The following PRR16 variants were observed in gnomAD, a reference collection of about 807,000 sequenced individuals.
PRR16 encodes proline rich 16.
Under a neutral mutation model 18.2 loss-of-function variants are expected in PRR16, and 6 were observed. That is an observed-to-expected ratio of 0.33 (90% CI 0.18 to 0.65). The LOEUF is 0.65. Ranked by LOEUF, PRR16 falls within the 30% of genes least tolerant of loss-of-function variation. The pLI, the probability that PRR16 is intolerant of heterozygous loss-of-function variation, is 0.74. For synonymous variants in PRR16, 151 were observed against 147.8 expected (o/e 1.02, Z -0.16); for missense variants, 412 against 376.6 (o/e 1.09, Z -0.78).
At chr5:120,546,564 A>C (rs963155474) in intron 1 of PRR16, among the ~76,000 whole-genome samples, 17 of 152,126 alleles carry the variant, frequency 1.1e-4, no homozygotes, top group African/African-American at 3.9e-4. Flanking sequence ...CCTGCATGTC[A>C]GTGTTTAACT....
At chr5:120,606,532 A>G (rs1256994675) in intron 1 of PRR16, among the ~76,000 whole-genome samples, 1 of 152,138 alleles carries the variant, frequency 6.6e-6, no homozygotes, top group Non-Finnish European at 1.5e-5. Flanking sequence ...ATATTAAAAT[A>G]AATACATAAT....
the PRR16 span, among the ~76,000 whole-genome samples, chr5:120,752,487 T>C: frequency 6.6e-6 from 1 of 151,912 alleles, no homozygotes; most frequent in South Asian, 2.1e-4. Context: ...TCTTGCTGTT[T>C]ATCTATGCAC....
At chr5:120,647,166 T>C (rs1243779295) in intron 1 of PRR16, among the ~76,000 whole-genome samples, 1 of 151,924 alleles carries the variant, frequency 6.6e-6, no homozygotes, top group East Asian at 1.9e-4. Context: ...AGAATAACGT[T>C]ATGGCGGGAG....
chr5:120,780,071 T>TC, the PRR16 span, among the ~76,000 whole-genome samples: 2 of 152,198 alleles, frequency 1.3e-5, no homozygotes, highest in African/African-American at 4.8e-5. Flanking sequence ...TTAATGTCTA[T>TC]CCTTTTTGTT....
chr5:120,635,142 A>G (rs947559734), intron 1 of PRR16, among the ~76,000 whole-genome samples: 1 of 152,146 alleles, frequency 6.6e-6, no homozygotes, highest in Non-Finnish European at 1.5e-5. Flanking sequence ...CCAACAAATA[A>G]AAGTCCAGGA....
Position 120,464,588 on chromosome 5 carries a change from G to A in PRR16, c.102G>A (p.Val34=), listed in dbSNP as rs369419278. The A allele has an allele frequency of 5.2e-5, 83 of 1,583,644 alleles. No individual in the cohort carries two copies. The highest frequency in any genetic ancestry group is 5.5e-5 in the Non-Finnish European group (65 of 1,173,052). Residue 34 remains valine (V), a synonymous_variant, in exon 1 of 2, where the codon GTG becomes GTA. Coordinates refer to ENST00000407149, the MANE Select transcript of PRR16 (RefSeq NM_001300783.2). ...TKVKEQIKII[V]EDLELVLGDL... is the part of the protein sequence containing the mutation. ...TGAAGGAACAGATCAAGATCATCGT[G>A]GAGGATTTGGAATTAGTCCTGGGCG... is the stretch of plus-strand genomic sequence containing the variant.
At chr5:120,610,523 A>G (rs1382004219) in intron 1 of PRR16, among the ~76,000 whole-genome samples, 1 of 151,914 alleles carries the variant, frequency 6.6e-6, no homozygotes, top group Non-Finnish European at 1.5e-5. Flanking sequence ...GACCCAGGGG[A>G]GGTAATTGAA....
chr5:120,546,165 G>C (rs2112691118), intron 1 of PRR16, among the ~76,000 whole-genome samples: 1 of 152,126 alleles, frequency 6.6e-6, no homozygotes, highest in East Asian at 1.9e-4. Flanking sequence ...GTATCATGTT[G>C]CTCTATATCC....
chr5:120,627,539 A>G (rs1028863852), intron 1 of PRR16, among the ~76,000 whole-genome samples: 2 of 152,108 alleles, frequency 1.3e-5, no homozygotes, highest in Non-Finnish European at 2.9e-5. Flanking sequence ...GGAGAAAAGA[A>G]TGATCCTACA....
intron 1 of PRR16, among the ~76,000 whole-genome samples, chr5:120,540,518 G>T (rs544644989): frequency 1.3e-5 from 2 of 152,200 alleles, no homozygotes; most frequent in African/African-American, 4.8e-5. Context: ...TGGTCACGTA[G>T]CCTTGTATAC....
the PRR16 span, among the ~76,000 whole-genome samples, chr5:120,770,839 T>C: frequency 6.6e-6 from 1 of 151,848 alleles, no homozygotes; most frequent in Non-Finnish European, 1.5e-5. Flanking sequence ...AAAATTGAGA[T>C]ATCATCATCT....
intron 1 of PRR16, among the ~76,000 whole-genome samples, chr5:120,676,138 T>C (rs951369648): frequency 6.6e-6 from 1 of 152,176 alleles, no homozygotes; most frequent in Non-Finnish European, 1.5e-5. Context: ...CTGTTTGTTT[T>C]AGTATCTCTT....
At chr5:120,652,553 G>T (rs73784833) in intron 1 of PRR16, among the ~76,000 whole-genome samples, 190 of 152,034 alleles carry the variant, frequency 1.2e-3, no homozygotes, top group African/African-American at 4.5e-3. Flanking sequence ...TCCCTCTGTG[G>T]TCTTCTCAAA....
chr5:120,576,117 G>T (rs13171462), intron 1 of PRR16, among the ~76,000 whole-genome samples: 107,353 of 151,998 alleles, frequency 0.71, 38,441 homozygotes, highest in East Asian at 0.85. Context: ...TCTAGGCAAA[G>T]ATTTTTTTCG....
At chr5:120,758,753 C>A in the PRR16 span, among the ~76,000 whole-genome samples, 1 of 152,010 alleles carries the variant, frequency 6.6e-6, no homozygotes, top group African/African-American at 2.4e-5. Context: ...AACTGTGAGT[C>A]AATAAACCTC....
chr5:120,694,836 T>C, the PRR16 span, among the ~76,000 whole-genome samples: 1 of 152,240 alleles, frequency 6.6e-6, no homozygotes, highest in Admixed American at 6.5e-5. Context: ...TAAAGTCTAA[T>C]ACACTAGTCA....
the PRR16 span, among the ~76,000 whole-genome samples, chr5:120,737,088 A>G: frequency 6.6e-6 from 1 of 152,136 alleles, no homozygotes; most frequent in African/African-American, 2.4e-5. Context: ...TTCCTTTACA[A>G]TTTGGATTCC....
intron 1 of PRR16, among the ~76,000 whole-genome samples, chr5:120,503,228 A>G (rs4476747): frequency 0.27 from 41,481 of 151,986 alleles, 6,975 homozygotes; most frequent in African/African-American, 0.48. Context: ...TAAATTTCAT[A>G]TTTGATGAGT....
intron 1 of PRR16, among the ~76,000 whole-genome samples, chr5:120,546,632 G>A (rs987027046): frequency 2.0e-5 from 3 of 152,088 alleles, no homozygotes; most frequent in African/African-American, 7.2e-5. Flanking sequence ...TGAAGTAAAA[G>A]CACACAGTGT....
Sources: allele counts gnomAD v4.1 joint callset (sites outside exome capture counted in the v4.1 genomes callset), GRCh38; gene constraint gnomAD v4.1.1; transcripts MANE v1.5; gene names NCBI Gene and HGNC (gene_info 2026-07-23, HGNC 2026-07-21).